OSBPL1A: variants seen among roughly 807,000 people sequenced by gnomAD.
OSBPL1A encodes oxysterol-binding protein-related protein 1.
OSBPL1A carries 80 observed loss-of-function variants against 137.1 expected under a neutral mutation model. The observed-to-expected ratio is 0.58, with a 90% CI of 0.49 to 0.70. The LOEUF is 0.70. Ranked by LOEUF, OSBPL1A falls within the 30% of genes least tolerant of loss-of-function variation. The pLI, the probability that OSBPL1A is intolerant of heterozygous loss-of-function variation, is 0.00. For missense variants in OSBPL1A, 970 were observed against 1,129.4 expected (o/e 0.86, Z 2.02); for synonymous variants, 365 against 389.7 (o/e 0.94, Z 0.75).
At position 24,341,641 on chromosome 18, in the gene OSBPL1A, G is replaced by C. The variant is rs201756807; in HGVS notation, c.300C>G (p.Leu100=). The change falls in exon 5 of 28, where the codon CTC becomes CTG. Residue 100 remains leucine, a synonymous_variant. Transcript: ENST00000319481. ...TAGTAGTATCAGCATTATATTCTAA[G>C]AGAAGCATTACCAACTCCTAAAAAT... ...FTGRKELVML[L]LEYNADTTIV... is the part of the protein sequence containing the mutation. 6.2e-7 allele frequency: 1 copy of C among 1,605,182 alleles called. No individual in the cohort carries two copies. The highest frequency in any genetic ancestry group is 2.2e-5 in the East Asian group (1 of 44,732).
intron 26 of OSBPL1A, among the ~76,000 whole-genome samples, chr18:24,165,515 A>T (rs909413065): frequency 2.0e-5 from 3 of 152,214 alleles, no homozygotes; most frequent in African/African-American, 7.2e-5. Context: ...GACCTCACGG[A>T]GCTTCTTCAG....
At chr18:24,257,333 C>T (rs1007839474) in intron 15 of OSBPL1A, among the ~76,000 whole-genome samples, 1 of 152,138 alleles carries the variant, frequency 6.6e-6, no homozygotes, top group Non-Finnish European at 1.5e-5. Context: ...CTCACACTCA[C>T]AGTGAACTAA....
intron 15 of OSBPL1A, among the ~76,000 whole-genome samples, chr18:24,279,292 C>T (rs920705362): frequency 4.0e-5 from 6 of 149,288 alleles, no homozygotes; most frequent in African/African-American, 1.5e-4. Context: ...AGCTGGGCAT[C>T]ATGGTGCATG....
chr18:24,166,663 C>A lies in OSBPL1A; in HGVS notation c.2575G>T (p.Val859Leu), dbSNP rs1486734648. 1 of 1,612,912 alleles carries A rather than the reference C, an allele frequency of 6.2e-7. No homozygotes were observed. The highest frequency in any genetic ancestry group is 8.5e-7 in the Non-Finnish European group (1 of 1,179,604). ...ATCACACTCTCCATGTCTTTGTCTA[C>A]TTCATTCAAAACCATTGCAAAACTA... ...FTSFAMVLNE[V>L]DKDMESVIPK... is the part of the protein sequence containing the mutation. Residue 859 changes from valine to leucine, a missense_variant, in exon 26 of 28, where the codon GTA becomes TTA. Val to Leu is a conservative substitution (Grantham distance 32). Transcript: ENST00000319481.
intron 15 of OSBPL1A, among the ~76,000 whole-genome samples, chr18:24,263,239 T>C (rs903058182): frequency 6.6e-6 from 1 of 152,138 alleles, no homozygotes; most frequent in Non-Finnish European, 1.5e-5. Context: ...ACACTGCAAA[T>C]ATGTTAAAGC....
chr18:24,366,872 G>A lies in OSBPL1A; in HGVS notation c.282+20C>T. 1.2e-6 allele frequency: 2 copies of A among 1,604,240 alleles called. No homozygotes were observed. Among genetic ancestry groups the A allele is most frequent in the Non-Finnish European group, 1.7e-6 (2 of 1,174,732 alleles). ...TCCAAATACCTCACTTACAAACATT[G>A]AACATAGAATGATTTTCACCTTTCG... On this transcript the variant is annotated intron_variant, in intron 4 of 27. Coordinates refer to ENST00000319481, the MANE Select transcript of OSBPL1A (RefSeq NM_080597.4).
At chr18:24,175,126 A>ATG (rs1342029969) in intron 21 of OSBPL1A, among the ~76,000 whole-genome samples, 5 of 132,556 alleles carry the variant, frequency 3.8e-5, no homozygotes, top group African/African-American at 1.6e-4. Flanking sequence ...ATATATATAT[A>ATG]TATATATATA....
chr18:24,211,761 C>T (rs1355054112), intron 17 of OSBPL1A, among the ~76,000 whole-genome samples: 1 of 151,792 alleles, frequency 6.6e-6, no homozygotes, highest in African/African-American at 2.4e-5. Flanking sequence ...GTCAGGAGTT[C>T]GAGGCCAGCC....
chr18:24,270,851 C>T (rs1334018690), intron 15 of OSBPL1A, among the ~76,000 whole-genome samples: 6 of 152,034 alleles, frequency 3.9e-5, no homozygotes, highest in Non-Finnish European at 8.8e-5. Context: ...AGTCTTTGAA[C>T]CTAATTAAAA....
intron 1 of OSBPL1A, among the ~76,000 whole-genome samples, chr18:24,389,433 A>C (rs1455466365): frequency 6.6e-6 from 1 of 152,204 alleles, no homozygotes; most frequent in Non-Finnish European, 1.5e-5. Flanking sequence ...AAATATCATA[A>C]AATTACTTAA....
intron 15 of OSBPL1A, among the ~76,000 whole-genome samples, chr18:24,265,682 C>T (rs16940610): frequency 0.094 from 14,258 of 152,150 alleles, 1,314 homozygotes; most frequent in African/African-American, 0.24. Context: ...AAAAGAACAG[C>T]TGACGTCACC....
intron 14 of OSBPL1A, among the ~76,000 whole-genome samples, chr18:24,287,417 G>A (rs1310666294): frequency 6.6e-6 from 1 of 152,218 alleles, no homozygotes; most frequent in East Asian, 1.9e-4. Context: ...ACATAAGAGA[G>A]TTTATCCATT....
At chr18:24,246,628 T>C (rs2088897229) in intron 15 of OSBPL1A, among the ~76,000 whole-genome samples, 1 of 151,672 alleles carries the variant, frequency 6.6e-6, no homozygotes, top group Non-Finnish European at 1.5e-5. Context: ...CCGTCTCTAC[T>C]AAAAATACAA....
chr18:24,169,879 T>C (rs2086234049), intron 24 of OSBPL1A, among the ~76,000 whole-genome samples: 2 of 152,188 alleles, frequency 1.3e-5, no homozygotes, highest in South Asian at 4.1e-4. Flanking sequence ...CAGGGATGAC[T>C]CCTTTAACTA....
intron 1 of OSBPL1A, among the ~76,000 whole-genome samples, chr18:24,397,123 A>C (rs1228614212): frequency 2.6e-5 from 4 of 152,212 alleles, no homozygotes; most frequent in Non-Finnish European, 5.9e-5. Context: ...CAGCGGGATA[A>C]GTGAATTGTT....
chr18:24,362,307 A>G (rs1459488475), intron 4 of OSBPL1A, among the ~76,000 whole-genome samples: 3 of 152,166 alleles, frequency 2.0e-5, no homozygotes, highest in African/African-American at 7.2e-5. Context: ...CTCATATTTG[A>G]AACCCCACAA....
At chr18:24,170,550 T>C in intron 23 of OSBPL1A, 97 bp from the exon 24 acceptor site, 1 of 1,393,078 alleles carries the variant, frequency 7.2e-7, no homozygotes. Flanking sequence ...ATCCGAGTAC[T>C]AACCAGGCCT....
At chr18:24,370,200 A>G (rs1207761694) in intron 2 of OSBPL1A, among the ~76,000 whole-genome samples, 2 of 152,178 alleles carry the variant, frequency 1.3e-5, no homozygotes, top group Non-Finnish European at 2.9e-5. Flanking sequence ...CAGCCTGGAC[A>G]ACAAAGCGAG....
intron 1 of OSBPL1A, among the ~76,000 whole-genome samples, chr18:24,390,232 A>G (rs1473920629): frequency 6.6e-6 from 1 of 152,232 alleles, no homozygotes; most frequent in Non-Finnish European, 1.5e-5. Flanking sequence ...ACACATAATT[A>G]CCTATGATCC....
Sources: allele counts gnomAD v4.1 joint callset (sites outside exome capture counted in the v4.1 genomes callset), GRCh38; gene constraint gnomAD v4.1.1; transcripts MANE v1.5; gene names NCBI Gene and HGNC (gene_info 2026-07-23, HGNC 2026-07-21).